The following CCDC112 variants were observed in gnomAD, a reference collection of about 807,000 sequenced individuals.
CCDC112 encodes coiled-coil domain containing 112.
CCDC112 carries 40 observed loss-of-function variants against 66.3 expected under a neutral mutation model. The ratio of observed to expected loss-of-function variants is 0.60; its 90% CI spans 0.47 to 0.79. The LOEUF (loss-of-function observed/expected upper bound fraction) is 0.79, where lower values mean the gene tolerates loss of function less well. Ranked by LOEUF, CCDC112 falls within the 30% of genes least tolerant of loss-of-function variation. CCDC112 has a pLI of 0.00. For synonymous variants in CCDC112, 214 were observed against 197.2 expected, an observed-to-expected ratio of 1.09 and a Z score of -0.71; for missense variants, 659 against 603.8, an observed-to-expected ratio of 1.09 and a Z score of -0.96.
At chr5:115,287,614 G>A (rs760872580) in intron 1 of CCDC112, among the ~76,000 whole-genome samples, 7 of 151,426 alleles carry the variant, frequency 4.6e-5, no homozygotes, top group Non-Finnish European at 1.0e-4. Flanking sequence ...CAGTCAACCT[G>A]AGCCCGAGTA....
At chr5:115,275,055 C>T (rs1749145655) in intron 6 of CCDC112, among the ~76,000 whole-genome samples, 161 bp downstream of exon 6, 1 of 152,136 alleles carries the variant, frequency 6.6e-6, no homozygotes, top group East Asian at 1.9e-4. Context: ...AATTACTTAA[C>T]TTTCAATGCC....
intron 1 of CCDC112, among the ~76,000 whole-genome samples, chr5:115,285,421 AG>A (rs1749634978): frequency 6.6e-6 from 1 of 152,170 alleles, no homozygotes; most frequent in African/African-American, 2.4e-5. Flanking sequence ...TGGTCACAGA[AG>A]GTCTATTTGA....
chr5:115,288,653 G>A (rs754450248), intron 1 of CCDC112, among the ~76,000 whole-genome samples: 1 of 152,070 alleles, frequency 6.6e-6, no homozygotes, highest in African/African-American at 2.4e-5. Context: ...ACTCCATATC[G>A]CCATTTAGTA....
intron 2 of CCDC112, among the ~76,000 whole-genome samples, chr5:115,283,842 CA>C (rs2127066715): frequency 6.6e-6 from 1 of 152,136 alleles, no homozygotes; most frequent in Admixed American, 6.5e-5. Context: ...AGGTTCAAAG[CA>C]ACGTTTTGAT....
At chr5:115,292,707 G>A (rs548914900) in intron 1 of CCDC112, among the ~76,000 whole-genome samples, 40 of 152,322 alleles carry the variant, frequency 2.6e-4, no homozygotes, top group Non-Finnish European at 4.6e-4. Context: ...GGTCAGGTGT[G>A]GCAGTGAAAT....
intron 6 of CCDC112, among the ~76,000 whole-genome samples, chr5:115,272,506 GCA>G (rs1749049249): frequency 1.3e-5 from 2 of 152,172 alleles, no homozygotes; most frequent in African/African-American, 4.8e-5. Context: ...AGGATTTCTT[GCA>G]CAGTGTTGTT....
chr5:115,280,216 C>T (rs1416907156), intron 2 of CCDC112: 1 of 167,482 alleles, frequency 6.0e-6, no homozygotes, highest in African/African-American at 2.4e-5. Context: ...ATAATAACAG[C>T]TCTCCACTAT....
intron 1 of CCDC112, among the ~76,000 whole-genome samples, chr5:115,287,021 C>A (rs1012249628): frequency 6.6e-6 from 1 of 152,078 alleles, no homozygotes; most frequent in African/African-American, 2.4e-5. Context: ...GTAAATATAT[C>A]CCCCCATTCT....
chr5:115,296,069 G>A, intron 1 of CCDC112: 1 of 1,019,420 alleles, frequency 9.8e-7, no homozygotes, highest in Non-Finnish European at 1.2e-6. Context: ...ATCAAGCACT[G>A]TGCCAGGGGC....
At position 115,273,197 on chromosome 5, in the gene CCDC112, C is replaced by A. The variant is rs1749076900; in HGVS notation, c.919-1571G>T. ...GGGCAAGGAGGAGGCAACATCTGAT[C>A]TGGGCCAATTTTGATAAGCTGGGAT... On this transcript the variant is annotated intron_variant, in intron 6 of 9. Coordinates refer to ENST00000379611, the MANE Select transcript of CCDC112 (RefSeq NM_001040440.3). 1.3e-5 allele frequency among the ~76,000 whole-genome samples: 2 copies of A among 152,130 alleles called. 1 individual carries two copies. Among genetic ancestry groups the A allele is most frequent in the South Asian group, 4.1e-4 (2 of 4,826 alleles).
intron 1 of CCDC112, among the ~76,000 whole-genome samples, chr5:115,294,547 T>C (rs1750067818): frequency 6.6e-6 from 1 of 152,220 alleles, no homozygotes; most frequent in African/African-American, 2.4e-5. Context: ...TTTGTTGTTT[T>C]AGCCACCAAG....
Position 115,275,387 on chromosome 5 carries a change from G to A in CCDC112, c.747C>T (p.Ala249=), listed in dbSNP as rs1749161836. ...FLQQTGGRQG[A]WDDYDHQNFV... is the part of the protein sequence containing the mutation. The stretch of plus-strand genomic sequence containing the variant: ...AGTTCTGGTGATCATAATCATCCCA[G>A]GCACCTTGTCGCCCTCCTGTTTGCT... Residue 249 remains alanine (A), a synonymous_variant, in exon 6 of 10, where the codon GCC becomes GCT. Transcript: ENST00000379611. 2 of 1,613,916 alleles carry A rather than the reference G, an allele frequency of 1.2e-6. No individual in the cohort carries two copies. The highest frequency in any genetic ancestry group is 1.3e-5 in the African/African-American group (1 of 74,964).
In CCDC112 at chr5:115,295,911, T is replaced by C. The variant is rs972941203; in HGVS notation, c.117+516A>G. On this transcript the variant is annotated intron_variant, in intron 1 of 9. Transcript: ENST00000379611. ...CTGATAACATCTGAACAAAGATACCTTGTCCTCACCACCTAGAAAGCGGTC... is the reference window on the plus strand; with the variant it reads ...CTGATAACATCTGAACAAAGATACCCTGTCCTCACCACCTAGAAAGCGGTC... 2.9e-5 allele frequency: 29 copies of C among 985,516 alleles called. No homozygotes were observed. The African/African-American group carries it at 4.4e-4, about 15-fold the overall frequency. The allele number at this position is 985,516 out of a possible 1,614,324, so 61.0% of individuals were successfully genotyped here. A position where few individuals can be genotyped will look rare whatever the true frequency, so the allele number is the denominator to read the frequency against.
intron 7 of CCDC112, among the ~76,000 whole-genome samples, chr5:115,270,528 TTAAGAAGA>T (rs1321533876): frequency 1.3e-5 from 2 of 152,182 alleles, no homozygotes; most frequent in Non-Finnish European, 2.9e-5. Flanking sequence ...CTCGATTCCT[TTAAGAAGA>T]TAAGTTTCTA....
intron 6 of CCDC112, among the ~76,000 whole-genome samples, chr5:115,271,907 T>G (rs1749016643): frequency 6.6e-6 from 1 of 151,350 alleles, no homozygotes; most frequent in South Asian, 2.1e-4. Flanking sequence ...ATGATCCTTC[T>G]CCTCTTTACT....
At chr5:115,293,151 G>T (rs1750006310) in intron 1 of CCDC112, among the ~76,000 whole-genome samples, 2 of 152,226 alleles carry the variant, frequency 1.3e-5, no homozygotes, top group African/African-American at 4.8e-5. Context: ...ACACAGAGTA[G>T]AACAATAGTT....
chr5:115,284,667 C>A (rs1749600613), intron 2 of CCDC112, 120 bp downstream of exon 2: 1 of 659,918 alleles, frequency 1.5e-6, no homozygotes. Context: ...ATTTGACAGG[C>A]TAGTGATTAC....
chr5:115,280,377 G>A (rs1271455831), intron 2 of CCDC112: 2 of 152,100 alleles, frequency 1.3e-5, no homozygotes, highest in Non-Finnish European at 2.9e-5. Flanking sequence ...GAAATTTCGG[G>A]TATTTAATGA....
At chr5:115,272,029 A>T (rs1482468797) in intron 6 of CCDC112, among the ~76,000 whole-genome samples, 1 of 148,948 alleles carries the variant, frequency 6.7e-6, no homozygotes, top group African/African-American at 2.5e-5. Context: ...GGTTCAAGTG[A>T]TTCTCCCGCC....
Sources: gnomAD v4.1 joint callset for allele counts (sites outside exome capture counted in the v4.1 genomes callset) on GRCh38, gnomAD v4.1.1 for gene constraint, MANE v1.5 for transcripts, NCBI Gene and HGNC (gene_info 2026-07-23, HGNC 2026-07-21) for gene names.